The following LRIG3 variants were observed in gnomAD, a reference collection of about 807,000 sequenced individuals.
LRIG3 encodes the protein leucine-rich repeats and immunoglobulin-like domains protein 3.
Under a neutral mutation model 114.5 loss-of-function variants are expected in LRIG3, and 76 were observed. The ratio of observed to expected loss-of-function variants is 0.66; its 90% CI spans 0.55 to 0.80. The LOEUF (loss-of-function observed/expected upper bound fraction) is 0.80. Among genes scored for constraint, LRIG3 ranks in the 30% least tolerant of loss-of-function variants. LRIG3 has a pLI of 0.00. For missense variants in LRIG3, 1,239 were observed against 1,382.8 expected, an observed-to-expected ratio of 0.90 and a Z score of 1.65; for synonymous variants, 512 against 519.8, an observed-to-expected ratio of 0.98 and a Z score of 0.20.
intron 10 of LRIG3, among the ~76,000 whole-genome samples, chr12:58,885,620 A>G (rs996497661): frequency 1.3e-5 from 2 of 152,190 alleles, no homozygotes; most frequent in African/African-American, 4.8e-5. Context: ...AATACAAAGG[A>G]AAGCATACAC....
intron 16 of LRIG3, 29 bp from the exon 17 acceptor site, chr12:58,874,602 C>A (rs774090665): frequency 1.2e-6 from 2 of 1,611,798 alleles, no homozygotes; most frequent in African/African-American, 2.7e-5. Flanking sequence ...AGTCAATGAT[C>A]CAATTATTCA....
chr12:58,910,166 G>A (rs1268852477), intron 3 of LRIG3, among the ~76,000 whole-genome samples: 1 of 152,130 alleles, frequency 6.6e-6, no homozygotes, highest in African/African-American at 2.4e-5. Context: ...AAGAGAAAAG[G>A]CTTAGTTGAT....
rs758805837 is a variant in LRIG3, at chr12:58,876,500, G to T, written c.2640C>A (p.His880Gln). 8.7e-6 allele frequency: 14 copies of T among 1,611,118 alleles called. No individual in the cohort carries two copies. Among genetic ancestry groups the T allele is most frequent in the Admixed American group, 1.7e-5 (1 of 59,830 alleles). ...GYVSSESGSH[H>Q]QFVTSSGAGF... ...CAGCACCTGAAGATGTGACAAACTG[G>T]TGGTGGCTTCCACTTTCTGAAGACA... The change falls in exon 16 of 19, where the codon CAC becomes CAA. Residue 880 changes from histidine (H) to glutamine (Q), a missense_variant. Transcript: ENST00000320743.
At position 58,887,644 on chromosome 12, in the gene LRIG3, A is replaced by C. The variant is rs1871318357; in HGVS notation, c.1091+145T>G. 4.9e-6 allele frequency: 4 copies of C among 810,418 alleles called. No homozygotes were observed. The South Asian group carries it at 7.2e-5, about 15-fold the overall frequency. The allele number at this position is 810,418 out of a possible 1,614,324, so 50.2% of individuals were successfully genotyped here. On this transcript the variant is annotated intron_variant, in intron 8 of 18. Coordinates refer to ENST00000320743, the MANE Select transcript of LRIG3 (RefSeq NM_153377.5). ...CATATGGATGAAATGGATCCATTGTAATCAAACTGATCTGGGAAAGATTAA... is the reference window on the plus strand; with the variant it reads ...CATATGGATGAAATGGATCCATTGTCATCAAACTGATCTGGGAAAGATTAA...
At chr12:58,889,137 T>C (rs1262296091) in intron 5 of LRIG3, among the ~76,000 whole-genome samples, 175 bp from the exon 6 acceptor site, 5 of 152,218 alleles carry the variant, frequency 3.3e-5, no homozygotes, top group African/African-American at 7.2e-5. Flanking sequence ...AGGCAGTGAA[T>C]TTCCTACTGA....
At chr12:58,908,611 T>C (rs1193049558) in intron 3 of LRIG3, among the ~76,000 whole-genome samples, 3 of 152,208 alleles carry the variant, frequency 2.0e-5, no homozygotes, top group Non-Finnish European at 4.4e-5. Context: ...TAATTATTGC[T>C]GCTATTGTCA....
In LRIG3 at chr12:58,877,607, T is replaced by G. The variant is rs967015817; in HGVS notation, c.2329A>C (p.Arg777=). Residue 777 remains arginine (R), a synonymous_variant, in exon 15 of 19, where the codon AGA becomes CGA. Transcript: ENST00000320743. ...CEMSNTLGTE[R]GNVRLSVIPT... The stretch of plus-strand genomic sequence containing the variant: ...ATCACACTGAGGCGCACGTTTCCTC[T>G]CTCAGTGCCAAGGGTGTTAGACATC... 6.2e-7 allele frequency: 1 copy of G among 1,614,076 alleles called. No individual in the cohort carries two copies. The highest frequency in any genetic ancestry group is 1.7e-5 in the Admixed American group (1 of 59,994).
chr12:58,887,962 T>C (rs1056235853), intron 7 of LRIG3, 30 bp from the exon 8 acceptor site: 1 of 1,597,190 alleles, frequency 6.3e-7, no homozygotes, highest in Middle Eastern at 1.7e-4. Context: ...AAGCAATAGC[T>C]TTTATTTTTC....
At chr12:58,919,663 G>A (rs377289710) in intron 1 of LRIG3, 1 of 1,272,142 alleles carries the variant, frequency 7.9e-7, no homozygotes, top group Middle Eastern at 2.8e-4. Flanking sequence ...ATCTCCCCTG[G>A]GCCTGGCAGG....
chr12:58,899,908 G>A lies in LRIG3; in HGVS notation c.384-9112C>T, dbSNP rs369603487. The stretch of plus-strand genomic sequence containing the variant: ...TCTCCAATCTCCAGTCTGGTGAGTA[G>A]AGCTTGGATGCTACCATCTGGGAAG... On this transcript the variant is annotated intron_variant, in intron 3 of 18. Transcript: ENST00000320743. 3.3e-4 allele frequency among the ~76,000 whole-genome samples: 50 copies of A among 152,278 alleles called. No individual in the cohort carries two copies. The South Asian group carries it at 1.0e-2, about 30-fold the overall frequency.
chr12:58,887,684 G>T, intron 8 of LRIG3, 105 bp downstream of exon 8: 1 of 1,165,616 alleles, frequency 8.6e-7, no homozygotes, highest in Non-Finnish European at 1.2e-6. Context: ...CTACTTCTGA[G>T]GCTGTATGCA....
chr12:58,917,661 C>T (rs954129968), intron 1 of LRIG3, among the ~76,000 whole-genome samples: 1 of 152,128 alleles, frequency 6.6e-6, no homozygotes, highest in Non-Finnish European at 1.5e-5. Context: ...TACATACACA[C>T]GTAATTTTTC....
intron 3 of LRIG3, among the ~76,000 whole-genome samples, chr12:58,892,815 C>A (rs1355229837): frequency 6.6e-6 from 1 of 152,186 alleles, no homozygotes; most frequent in Admixed American, 6.5e-5. Flanking sequence ...CATTCCCGAG[C>A]CAGCTCAAAG....
chr12:58,910,868 T>C (rs1308981245), intron 3 of LRIG3, among the ~76,000 whole-genome samples: 1 of 152,186 alleles, frequency 6.6e-6, no homozygotes, highest in African/African-American at 2.4e-5. Flanking sequence ...TCATGTCCAA[T>C]GCTCGAGCAG....
chr12:58,919,402 A>G (rs972659862), intron 1 of LRIG3: 7 of 1,551,504 alleles, frequency 4.5e-6, no homozygotes, highest in Non-Finnish European at 6.1e-6. Flanking sequence ...AGTCTTTACA[A>G]TCTGGTTGAG....
Position 58,886,851 on chromosome 12 carries a change from G to A in LRIG3, c.1131C>T (p.Asp377=), listed in dbSNP as rs367861248. The change falls in exon 9 of 19, where the codon GAC becomes GAT. Residue 377 remains aspartate, a synonymous_variant. Coordinates refer to ENST00000320743, the MANE Select transcript of LRIG3 (RefSeq NM_153377.5). ...KNNEISWTIE[D]MNGAFSGLDK... ...CAAGCCCAGAGAAAGCACCATTCATGTCTTCAATAGTCCAGGAAATTTCAT... is the reference window on the plus strand; with the variant it reads ...CAAGCCCAGAGAAAGCACCATTCATATCTTCAATAGTCCAGGAAATTTCAT... The A allele has an allele frequency of 6.2e-7, 1 of 1,613,614 alleles. No individual in the cohort carries two copies. Among genetic ancestry groups the A allele is most frequent in the East Asian group, 2.2e-5 (1 of 44,856 alleles).
chr12:58,886,306 C>CTGAATT (rs143315233), intron 9 of LRIG3, among the ~76,000 whole-genome samples: 208 of 152,066 alleles, frequency 1.4e-3, no homozygotes, highest in African/African-American at 4.8e-3. Flanking sequence ...CTATAGGGAG[C>CTGAATT]TGAATTTGAA....
At chr12:58,880,246 A>C (rs756988492) in intron 13 of LRIG3, 1 of 380,952 alleles carries the variant, frequency 2.6e-6, no homozygotes, top group Non-Finnish European at 5.0e-6. Flanking sequence ...CAGTGAGCCA[A>C]GATTGCAACC....
rs184646953 is a variant in LRIG3, at chr12:58,904,757, A to C, written c.383+9225T>G. Among the ~76,000 whole-genome samples the C allele has an allele frequency of 2.0e-5, 3 of 152,306 alleles. No individual in the cohort carries two copies. In the East Asian group the frequency reaches 5.8e-4, roughly 29 times the overall value. ...AGCCATCCATTCATTCATCCAACAC[A>C]CATGTACTGAGCATCCACCATGGGC... On this transcript the variant is annotated intron_variant, in intron 3 of 18. Transcript: ENST00000320743.
Sources: allele counts gnomAD v4.1 joint callset (sites outside exome capture counted in the v4.1 genomes callset), GRCh38; gene constraint gnomAD v4.1.1; transcripts MANE v1.5; gene names NCBI Gene and HGNC (gene_info 2026-07-23, HGNC 2026-07-21).